The following LINGO2 variants were observed in gnomAD, a reference collection of about 807,000 sequenced individuals.
The protein encoded by LINGO2 is leucine rich repeat and Ig domain containing 2.
In LINGO2, 14 loss-of-function variants were observed where a neutral mutation model predicts 30.6. The ratio of observed to expected loss-of-function variants is 0.46; its 90% CI spans 0.30 to 0.72. The LOEUF (loss-of-function observed/expected upper bound fraction) is 0.72. LINGO2 is among the 30% of genes least tolerant of loss of function. The pLI is 0.07. For missense variants in LINGO2, 729 were observed against 751.7 expected, an observed-to-expected ratio of 0.97 and a Z score of 0.35; for synonymous variants, 317 against 288.5, an observed-to-expected ratio of 1.10 and a Z score of -1.00.
At chr9:29,188,276 C>CT in the LINGO2 span, among the ~76,000 whole-genome samples, 1 of 151,666 alleles carries the variant, frequency 6.6e-6, no homozygotes, top group African/African-American at 2.4e-5. Context: ...TTGCACCGCC[C>CT]TTAATCCATT....
intron 2 of LINGO2, among the ~76,000 whole-genome samples, chr9:28,397,623 C>T (rs1822104115): frequency 6.8e-6 from 1 of 147,928 alleles, no homozygotes; most frequent in South Asian, 2.2e-4. Context: ...TCTCAGCTCA[C>T]TGCAAGCTCC....
At chr9:28,993,049 C>T in the LINGO2 span, among the ~76,000 whole-genome samples, 1 of 152,042 alleles carries the variant, frequency 6.6e-6, no homozygotes, top group Non-Finnish European at 1.5e-5. Context: ...ACACAAAAAA[C>T]CCTTCAAAAA....
intron 4 of LINGO2, among the ~76,000 whole-genome samples, chr9:28,263,774 A>C (rs1453419841): frequency 6.6e-6 from 1 of 151,968 alleles, no homozygotes; most frequent in East Asian, 1.9e-4. Flanking sequence ...TGTGGCATTT[A>C]GCTTTAGAAA....
chr9:29,056,689 A>C, the LINGO2 span, among the ~76,000 whole-genome samples: 4 of 152,066 alleles, frequency 2.6e-5, no homozygotes, highest in Non-Finnish European at 5.9e-5. Flanking sequence ...GGGTTTTTCC[A>C]ATGTTATCTT....
At chr9:28,500,434 C>T (rs1374157174) in intron 1 of LINGO2, among the ~76,000 whole-genome samples, 1 of 152,040 alleles carries the variant, frequency 6.6e-6, no homozygotes, top group Non-Finnish European at 1.5e-5. Flanking sequence ...ATTAAAGGTA[C>T]TACTGTAGCT....
intron 4 of LINGO2, among the ~76,000 whole-genome samples, chr9:28,034,587 C>T (rs747824706): frequency 1.3e-5 from 2 of 152,156 alleles, no homozygotes; most frequent in African/African-American, 2.4e-5. Context: ...GCCTAGAAAA[C>T]GAGGATAATA....
chr9:28,601,490 G>A (rs1047800895), intron 1 of LINGO2, among the ~76,000 whole-genome samples: 1 of 152,068 alleles, frequency 6.6e-6, no homozygotes, highest in Admixed American at 6.6e-5. Flanking sequence ...AGAGGTATCA[G>A]GGTGAATAGG....
chr9:28,117,706 G>A (rs1458332514), intron 4 of LINGO2, among the ~76,000 whole-genome samples: 3 of 142,072 alleles, frequency 2.1e-5, no homozygotes, highest in African/African-American at 8.0e-5. Context: ...TCTTTGACTC[G>A]GAAAGGGAAC....
intron 5 of LINGO2, among the ~76,000 whole-genome samples, chr9:27,969,255 G>A (rs1820243569): frequency 6.6e-6 from 1 of 151,998 alleles, no homozygotes; most frequent in Admixed American, 6.6e-5. Flanking sequence ...AGCCACTTCA[G>A]GAGTATAATT....
the LINGO2 span, among the ~76,000 whole-genome samples, chr9:28,912,530 C>A: frequency 6.6e-6 from 1 of 151,966 alleles, no homozygotes; most frequent in African/African-American, 2.4e-5. Context: ...AGATATGTGA[C>A]AGTTGCCCAT....
At chr9:28,347,207 T>G (rs1316326702) in intron 3 of LINGO2, among the ~76,000 whole-genome samples, 1 of 152,178 alleles carries the variant, frequency 6.6e-6, no homozygotes. Context: ...AATATAAAAA[T>G]TTGCATTTAA....
chr9:28,923,052 A>G, the LINGO2 span, among the ~76,000 whole-genome samples: 1 of 152,208 alleles, frequency 6.6e-6, no homozygotes, highest in Non-Finnish European at 1.5e-5. Context: ...GCAGCCAAGG[A>G]ATGAAAGAAA....
At chr9:29,156,168 C>T in the LINGO2 span, among the ~76,000 whole-genome samples, 33 of 152,230 alleles carry the variant, frequency 2.2e-4, no homozygotes, top group South Asian at 5.6e-3. Context: ...TATAAAACAT[C>T]TGTGTATACT....
chr9:28,662,493 G>C (rs1828621521), intron 1 of LINGO2, among the ~76,000 whole-genome samples: 1 of 152,088 alleles, frequency 6.6e-6, no homozygotes, highest in Non-Finnish European at 1.5e-5. Flanking sequence ...CCAGTGAGAG[G>C]GCGATTTTTT....
intron 5 of LINGO2, among the ~76,000 whole-genome samples, chr9:27,995,921 A>G (rs1821638002): frequency 1.3e-5 from 2 of 152,200 alleles, no homozygotes; most frequent in African/African-American, 4.8e-5. Context: ...AGTCAACTGT[A>G]TTTGTCTGCA....
At chr9:29,200,069 T>C in the LINGO2 span, among the ~76,000 whole-genome samples, 1 of 151,934 alleles carries the variant, frequency 6.6e-6, no homozygotes, top group Admixed American at 6.6e-5. Flanking sequence ...ATTACAGAAA[T>C]AGGAAAAATG....
intron 5 of LINGO2, among the ~76,000 whole-genome samples, chr9:28,006,381 G>T (rs962963197): frequency 3.9e-5 from 6 of 152,000 alleles, no homozygotes; most frequent in Non-Finnish European, 8.8e-5. Context: ...TCAGAGGGAG[G>T]AATAGTGGAG....
chr9:28,222,951 CATT>C (rs1051082470), intron 4 of LINGO2, among the ~76,000 whole-genome samples: 29 of 152,038 alleles, frequency 1.9e-4, no homozygotes, highest in African/African-American at 7.0e-4. Context: ...GGAATGAAAT[CATT>C]ATATATTTCT....
the LINGO2 span, among the ~76,000 whole-genome samples, chr9:28,917,484 C>T: frequency 6.6e-6 from 1 of 151,204 alleles, no homozygotes; most frequent in Non-Finnish European, 1.5e-5. Flanking sequence ...AGGAGTTTTG[C>T]TCTTGCTGCC....
Sources: allele counts gnomAD v4.1 joint callset (sites outside exome capture counted in the v4.1 genomes callset), GRCh38; gene constraint gnomAD v4.1.1; transcripts MANE v1.5; gene names NCBI Gene and HGNC (gene_info 2026-07-23, HGNC 2026-07-21).